Variants in RNF216 observed in about 807,000 individuals in gnomAD.
The protein encoded by RNF216 is ring finger protein 216.
Under a neutral mutation model 110.8 loss-of-function variants are expected in RNF216, and 72 were observed. The observed-to-expected ratio is 0.65, with a 90% CI of 0.54 to 0.79. The LOEUF is 0.79. Ranked by LOEUF, RNF216 falls within the 30% of genes least tolerant of loss-of-function variation. The pLI is 0.00. For missense variants in RNF216, 1,342 were observed against 1,141.2 expected (o/e 1.18, Z -2.54); for synonymous variants, 495 against 407.5 (o/e 1.21, Z -2.59).
chr7:5,753,967 C>T (rs1481618480), intron 2 of RNF216, among the ~76,000 whole-genome samples: 1 of 151,984 alleles, frequency 6.6e-6, no homozygotes, highest in Admixed American at 6.6e-5. Flanking sequence ...TGCACTCTAG[C>T]CTGGGTGACA....
chr7:5,696,994 AG>A lies in RNF216; in HGVS notation c.2061+14766del, dbSNP rs1791670483. 6.6e-6 allele frequency among the ~76,000 whole-genome samples: 1 copy of A among 152,134 alleles called. No homozygotes were observed. The highest frequency in any genetic ancestry group is 1.5e-5 in the Non-Finnish European group (1 of 68,012). ...CCTCCATTACGCCAGCAACAGCTCC[AG>A]GGACGGGGGTAGGGGAAGTCTCCAA... On this transcript the variant is annotated intron_variant, in intron 13 of 16. Coordinates refer to ENST00000389902, the MANE Select transcript of RNF216 (RefSeq NM_207111.4). This position sits in a 1 kb window ranked among gnomAD's most constrained non-coding sequence, Gnocchi z 5.4.
At chr7:5,741,865 C>G (rs1411036598) in intron 3 of RNF216, 50 bp from the exon 4 acceptor site, 1 of 1,540,302 alleles carries the variant, frequency 6.5e-7, no homozygotes, top group African/African-American at 1.4e-5. Context: ...TATGCCTATC[C>G]CTCCTTATGT....
At position 5,741,676 on chromosome 7, in the gene RNF216, C is replaced by A; in HGVS notation, c.341G>T (p.Cys114Phe). 1.9e-6 allele frequency: 3 copies of A among 1,614,176 alleles called. No homozygotes were observed. The highest frequency in any genetic ancestry group is 2.5e-6 in the Non-Finnish European group (3 of 1,180,042). The change falls in exon 4 of 17, where the codon TGT (cysteine) becomes TTT (phenylalanine). Residue 114 changes from cysteine to phenylalanine, a missense_variant. Transcript: ENST00000389902. ...ESDKSSYFSV[C>F]NNPLFDSGAQ... ...CCCAGAATCAAACAATGGGTTGTTA[C>A]ACACTGAAAAATAGCTGCTCTTATC...
chr7:5,774,389 T>C (rs80095848), intron 1 of RNF216, among the ~76,000 whole-genome samples: 44 of 152,330 alleles, frequency 2.9e-4, no homozygotes, highest in African/African-American at 1.0e-3. Flanking sequence ...AAGTAAGCTA[T>C]GATAGCACCA....
intron 3 of RNF216, among the ~76,000 whole-genome samples, chr7:5,749,810 A>G (rs913220034): frequency 7.2e-5 from 11 of 152,248 alleles, no homozygotes; most frequent in African/African-American, 2.4e-4. Flanking sequence ...GGATTTGTGT[A>G]ACTGCTAACC....
chr7:5,683,620 A>G (rs1161133174), intron 13 of RNF216, among the ~76,000 whole-genome samples: 1 of 152,128 alleles, frequency 6.6e-6, no homozygotes, highest in African/African-American at 2.4e-5. Flanking sequence ...TCCTGGCTCT[A>G]CCCCTTTGAG....
intron 5 of RNF216, chr7:5,733,234 C>T (rs1331434318): frequency 6.6e-6 from 1 of 152,226 alleles, no homozygotes; most frequent in African/African-American, 2.4e-5. Flanking sequence ...AGATGCAATA[C>T]AATGACTGTA....
chr7:5,760,603 T>C (rs1352596648), intron 2 of RNF216: 1 of 290,878 alleles, frequency 3.4e-6, no homozygotes, highest in South Asian at 3.2e-5. Flanking sequence ...CAGAATCTTC[T>C]GGCAAAAAAG....
At chr7:5,717,564 C>T (rs921558662) in intron 9 of RNF216, among the ~76,000 whole-genome samples, 5 of 152,120 alleles carry the variant, frequency 3.3e-5, no homozygotes, top group African/African-American at 1.2e-4. Context: ...TATGCACAAA[C>T]TTATCATGGC....
At chr7:5,654,096 G>A (rs1424208576) in intron 13 of RNF216, among the ~76,000 whole-genome samples, 1 of 152,174 alleles carries the variant, frequency 6.6e-6, no homozygotes, top group African/African-American at 2.4e-5. Context: ...AGGGAGGAAA[G>A]AGTGAACGTG....
chr7:5,752,732 G>A (rs1584574740), intron 3 of RNF216, 114 bp downstream of exon 3: 1 of 1,015,038 alleles, frequency 9.9e-7, no homozygotes, highest in African/African-American at 1.6e-5. Flanking sequence ...AAAAGGGGCT[G>A]TTCTCAGAAC....
intron 3 of RNF216, among the ~76,000 whole-genome samples, chr7:5,752,300 T>G (rs1388072699): frequency 6.6e-6 from 1 of 151,924 alleles, no homozygotes; most frequent in Non-Finnish European, 1.5e-5. Flanking sequence ...TTAAGAAAAA[T>G]TCAAAATGCT....
chr7:5,652,283 C>T, intron 14 of RNF216, 130 bp downstream of exon 14: 1 of 664,786 alleles, frequency 1.5e-6, no homozygotes, highest in East Asian at 2.6e-5. Flanking sequence ...TAGATTACTT[C>T]CCCAAGATCA....
chr7:5,765,925 C>T (rs1179626017), intron 1 of RNF216, among the ~76,000 whole-genome samples: 1 of 142,968 alleles, frequency 7.0e-6, no homozygotes, highest in East Asian at 2.0e-4. Context: ...TGCAGTCCAG[C>T]CTGAGCGACA....
intron 13 of RNF216, among the ~76,000 whole-genome samples, chr7:5,681,294 T>C (rs953825866): frequency 6.6e-6 from 1 of 152,202 alleles, no homozygotes; most frequent in Non-Finnish European, 1.5e-5. Flanking sequence ...ATCTGAATTA[T>C]CATCTGGTTT....
In RNF216 at chr7:5,636,867, G is replaced by A. The variant is rs6463498; in HGVS notation, c.2382+4287C>T. 2.1e-3 allele frequency among the ~76,000 whole-genome samples: 314 copies of A among 152,258 alleles called. 1 individual carries two copies. The highest frequency in any genetic ancestry group is 7.1e-3 in the African/African-American group (296 of 41,536). The stretch of plus-strand genomic sequence containing the variant: ...AAACAACAAGGCAGTGCATGCTATG[G>A]CACCCAAACAAGGAAAAAGCACATG... On this transcript the variant is annotated intron_variant, in intron 15 of 16. Coordinates refer to ENST00000389902, the MANE Select transcript of RNF216 (RefSeq NM_207111.4).
intron 1 of RNF216, among the ~76,000 whole-genome samples, chr7:5,763,024 T>A (rs4720643): frequency 6.6e-6 from 1 of 152,166 alleles, no homozygotes; most frequent in African/African-American, 2.4e-5. Context: ...ACAGAAGTTA[T>A]TGATGGGGCC....
intron 9 of RNF216, among the ~76,000 whole-genome samples, chr7:5,718,782 G>A (rs968867605): frequency 6.6e-6 from 1 of 152,200 alleles, no homozygotes; most frequent in South Asian, 2.1e-4. Flanking sequence ...CCTGATCTCA[G>A]GTGATCTGCC....
intron 3 of RNF216, among the ~76,000 whole-genome samples, chr7:5,749,269 G>A (rs972050867): frequency 2.0e-5 from 3 of 151,188 alleles, no homozygotes; most frequent in Non-Finnish European, 4.4e-5. Context: ...TACTGCCTCA[G>A]CCTCCTGAGT....
Sources: allele counts gnomAD v4.1 joint callset (sites outside exome capture counted in the v4.1 genomes callset), GRCh38; gene constraint gnomAD v4.1.1; non-coding constraint Gnocchi (gnomAD v3.1); transcripts MANE v1.5; gene names NCBI Gene and HGNC (gene_info 2026-07-23, HGNC 2026-07-21).